Variants in PRKAR1A observed in about 807,000 individuals in gnomAD.
The protein encoded by PRKAR1A is protein kinase cAMP-dependent type I regulatory subunit alpha.
A neutral mutation model predicts 52.0 loss-of-function variants in PRKAR1A; 3 were observed. That is an observed-to-expected ratio of 0.06 (90% confidence interval 0.03 to 0.15). The LOEUF (loss-of-function observed/expected upper bound fraction) is 0.15, where lower values mean the gene tolerates loss of function less well. PRKAR1A is among the 10% of genes least tolerant of loss of function. The pLI, the probability that PRKAR1A is intolerant of heterozygous loss-of-function variation, is 1.00. For synonymous variants in PRKAR1A, 188 were observed against 168.4 expected (o/e 1.12, Z -0.90); for missense variants, 240 against 477.4 (o/e 0.50, Z 4.63).
rs527786086 is a variant in PRKAR1A, at chr17:68,519,541, A to G, written c.178-3215A>G. 4.6e-5 allele frequency among the ~76,000 whole-genome samples: 7 copies of G among 152,358 alleles called. No individual in the cohort carries two copies. In the South Asian group the frequency reaches 1.4e-3, roughly 32 times the overall value. On this transcript the variant is annotated intron_variant, in intron 2 of 10. Transcript: ENST00000589228. Reference sequence around the variant, plus strand: ...ACAATATGTGGGGATTATGGGAACTATAATTCAAGATGAGATTTGGGTGGG... The same window carrying G: ...ACAATATGTGGGGATTATGGGAACTGTAATTCAAGATGAGATTTGGGTGGG...
chr17:68,446,792 G>A, the PRKAR1A span, among the ~76,000 whole-genome samples: 1 of 152,166 alleles, frequency 6.6e-6, no homozygotes, highest in East Asian at 1.9e-4. Context: ...TAGCCCATCT[G>A]ATCTGATCTG....
the PRKAR1A span, among the ~76,000 whole-genome samples, chr17:68,464,687 C>CAAAA: frequency 1.6e-5 from 2 of 124,602 alleles, no homozygotes; most frequent in African/African-American, 6.5e-5. Context: ...GACTCTGTCT[C>CAAAA]AAAAAAAAAA....
chr17:68,529,853 A>G, intron 9 of PRKAR1A, 67 bp from the exon 10 acceptor site: 2 of 1,434,698 alleles, frequency 1.4e-6, no homozygotes, highest in Non-Finnish European at 2.0e-6. Context: ...ATTGCATAGG[A>G]TGTTTAAGGT....
At chr17:68,444,075 A>G in the PRKAR1A span, among the ~76,000 whole-genome samples, 22 of 152,292 alleles carry the variant, frequency 1.4e-4, no homozygotes, top group Non-Finnish European at 2.2e-4. Context: ...TATGGTTCAG[A>G]TTGTCTTTTT....
intron 11 of PRKAR1A, chr17:68,542,681 G>C (rs1422458355): frequency 1.3e-6 from 2 of 1,594,056 alleles, no homozygotes; most frequent in Non-Finnish European, 1.7e-6. Context: ...TATCACTCGG[G>C]CCAGTACTCT....
intron 2 of PRKAR1A, among the ~76,000 whole-genome samples, chr17:68,517,151 T>C (rs537026704): frequency 6.6e-6 from 1 of 152,368 alleles, no homozygotes; most frequent in Non-Finnish European, 1.5e-5. Context: ...TTTCAGCTTC[T>C]TTAACTTTTA....
the PRKAR1A span, among the ~76,000 whole-genome samples, chr17:68,492,051 C>T: frequency 6.6e-6 from 1 of 152,178 alleles, no homozygotes; most frequent in Non-Finnish European, 1.5e-5. Context: ...AGGAGATATC[C>T]GCAAGGAAGC....
chr17:68,456,537 CTGCAGA>C, the PRKAR1A span, among the ~76,000 whole-genome samples: 1 of 152,204 alleles, frequency 6.6e-6, no homozygotes, highest in Non-Finnish European at 1.5e-5. Flanking sequence ...TCACAGAATC[CTGCAGA>C]TGCCTGAAAC....
chr17:68,500,511 A>ATTT, the PRKAR1A span, among the ~76,000 whole-genome samples: 1 of 140,430 alleles, frequency 7.1e-6, no homozygotes, highest in African/African-American at 2.6e-5. Flanking sequence ...AGTCTCGAGT[A>ATTT]TTTTTTTTTT....
Position 68,531,653 on chromosome 17 carries a change from T to C in PRKAR1A, c.*1204T>C, listed in dbSNP as rs1478786827. The stretch of plus-strand genomic sequence containing the variant: ...GTTGCTTCAAATTGGTCTGAAAGGC[T>C]ATCCTGCTGAAAGTCCTGCTTTCCT... On this transcript the variant is annotated 3_prime_UTR_variant, in exon 11 of 11. Transcript: ENST00000589228. 9.4e-7 allele frequency: 1 copy of C among 1,066,270 alleles called. No homozygotes were observed. Among genetic ancestry groups the C allele is most frequent in the Non-Finnish European group, 1.1e-6 (1 of 879,616 alleles). The allele number at this position is 1,066,270 out of a possible 1,614,324, so 66.1% of individuals were successfully genotyped here. A position where few individuals can be genotyped will look rare whatever the true frequency, so the allele number is the denominator to read the frequency against.
chr17:68,454,745 G>A, the PRKAR1A span, among the ~76,000 whole-genome samples: 1 of 152,182 alleles, frequency 6.6e-6, no homozygotes, highest in African/African-American at 2.4e-5. Context: ...TGCGAAATGA[G>A]GTTTGTAAAG....
chr17:68,457,590 C>G, the PRKAR1A span: 1 of 390,590 alleles, frequency 2.6e-6, no homozygotes, highest in Non-Finnish European at 4.1e-6. Flanking sequence ...TACCCCGCCC[C>G]GTCCCCGCCG....
At chr17:68,415,619 A>T in the PRKAR1A span, among the ~76,000 whole-genome samples, 5,689 of 152,192 alleles carry the variant, frequency 0.037, 363 homozygotes, top group African/African-American at 0.13. Context: ...TCAGTGGAGT[A>T]TTGAAGTCCC....
In PRKAR1A at chr17:68,530,727, A is replaced by G; in HGVS notation, c.*278A>G. On this transcript the variant is annotated 3_prime_UTR_variant, in exon 11 of 11. Coordinates refer to ENST00000589228, the MANE Select transcript of PRKAR1A (RefSeq NM_002734.5). Reference sequence around the variant, plus strand: ...GTATTCACCCTGGGCAGTGAGTGCCATGCTTTTTGGTGAGGGCAGATCCCA... The same window carrying G: ...GTATTCACCCTGGGCAGTGAGTGCCGTGCTTTTTGGTGAGGGCAGATCCCA... 1.5e-6 allele frequency: 2 copies of G among 1,353,094 alleles called. No individual in the cohort carries two copies. Among genetic ancestry groups the G allele is most frequent in the Admixed American group, 3.0e-5 (1 of 33,298 alleles). 83.8% of individuals were successfully genotyped at this position (1,353,094 alleles called of 1,614,324 possible).
the PRKAR1A span, among the ~76,000 whole-genome samples, chr17:68,447,440 A>G: frequency 2.0e-5 from 3 of 152,310 alleles, no homozygotes; most frequent in East Asian, 5.8e-4. Context: ...GGAATGCAGC[A>G]GCGTGATCAT....
Position 68,532,536 on chromosome 17 carries a change from G to A in PRKAR1A, c.*2087G>A. On this transcript the variant is annotated 3_prime_UTR_variant, in exon 11 of 11. Coordinates refer to ENST00000589228, the MANE Select transcript of PRKAR1A (RefSeq NM_002734.5). ...AAGTATATGTGAGAAATCAGAATTG[G>A]CATAATTTGTCTTAGTTGATATTCA... The A allele has an allele frequency of 9.4e-7, 1 of 1,065,022 alleles. No homozygotes were observed. The highest frequency in any genetic ancestry group is 1.1e-6 in the Non-Finnish European group (1 of 878,808). 66.0% of individuals were successfully genotyped at this position (1,065,022 alleles called of 1,614,324 possible).
intron 11 of PRKAR1A, chr17:68,539,404 G>A: frequency 6.2e-7 from 1 of 1,614,084 alleles, no homozygotes; most frequent in East Asian, 2.2e-5. Context: ...AACCTAGGAG[G>A]AGAAACAGGC....
the PRKAR1A span, among the ~76,000 whole-genome samples, chr17:68,484,781 G>A: frequency 6.6e-6 from 1 of 152,294 alleles, no homozygotes. Flanking sequence ...TTTCCATCCC[G>A]ACAGAGAAAG....
chr17:68,500,511 ATTTTT>A, the PRKAR1A span, among the ~76,000 whole-genome samples: 1 of 140,430 alleles, frequency 7.1e-6, no homozygotes, highest in African/African-American at 2.6e-5. Context: ...AGTCTCGAGT[ATTTTT>A]TTTTTTTTTT....
Sources: allele counts gnomAD v4.1 joint callset (sites outside exome capture counted in the v4.1 genomes callset), GRCh38; gene constraint gnomAD v4.1.1; transcripts MANE v1.5; gene names NCBI Gene and HGNC (gene_info 2026-07-23, HGNC 2026-07-21).